Variants in C1orf141 observed in about 807,000 individuals in gnomAD.
C1orf141 encodes uncharacterized protein C1orf141.
In C1orf141, 19 loss-of-function variants were observed where a neutral mutation model predicts 23.2. The observed-to-expected ratio is 0.82, with a 90% CI of 0.57 to 1.20. The LOEUF is 1.20. Ranked by LOEUF, C1orf141 falls within the 50% of genes most tolerant of loss-of-function variation. The probability of loss-of-function intolerance (pLI) is 0.00; values close to 1 mark genes in which losing one functional copy is unlikely to be tolerated. For missense variants in C1orf141, 469 were observed against 455.1 expected, an observed-to-expected ratio of 1.03 and a Z score of -0.28; for synonymous variants, 153 against 154.6, an observed-to-expected ratio of 0.99 and a Z score of 0.08.
chr1:67,139,650 C>T (rs1646616638), upstream of C1orf141, among the ~76,000 whole-genome samples: 2 of 152,190 alleles, frequency 1.3e-5, no homozygotes, highest in South Asian at 4.1e-4. Flanking sequence ...TTTGTCCCCT[C>T]CGAAAGTCAT....
At chr1:67,107,237 AAG>A (rs1475874628) in intron 5 of C1orf141, among the ~76,000 whole-genome samples, 3 of 151,700 alleles carry the variant, frequency 2.0e-5, no homozygotes, top group Non-Finnish European at 4.4e-5. Flanking sequence ...AACAAATAAA[AAG>A]AGAGATAACT....
intron 5 of C1orf141, chr1:67,113,561 C>A (rs899777155): frequency 1.0e-4 from 35 of 338,888 alleles, no homozygotes; most frequent in African/African-American, 5.3e-4. Flanking sequence ...GACAGGGTTT[C>A]GCCATGTTGG....
At chr1:67,108,080 A>G (rs1645974809) in intron 5 of C1orf141, among the ~76,000 whole-genome samples, 1 of 152,214 alleles carries the variant, frequency 6.6e-6, no homozygotes, top group Non-Finnish European at 1.5e-5. Flanking sequence ...GCTTCCTGGA[A>G]AAATTAACCC....
upstream of C1orf141, among the ~76,000 whole-genome samples, chr1:67,137,166 G>A (rs151065627): frequency 5.0e-3 from 760 of 152,270 alleles, 4 homozygotes; most frequent in African/African-American, 0.017. Context: ...TCAGGGGGCC[G>A]TCAAAACCCT....
intron 4 of C1orf141, chr1:67,122,473 G>C (rs993944872): frequency 1.3e-5 from 2 of 152,114 alleles, no homozygotes; most frequent in African/African-American, 2.4e-5. Flanking sequence ...ATCTACCTTT[G>C]CAGAAAAGAA....
intron 7 of C1orf141, 106 bp from the exon 8 acceptor site, chr1:67,093,710 T>A: frequency 1.2e-6 from 1 of 815,134 alleles, no homozygotes; most frequent in Non-Finnish European, 1.8e-6. Flanking sequence ...TAAAAATGAC[T>A]ACATACAAAT....
intron 5 of C1orf141, among the ~76,000 whole-genome samples, chr1:67,102,419 T>G (rs1292536817): frequency 6.6e-6 from 1 of 151,910 alleles, no homozygotes; most frequent in East Asian, 1.9e-4. Flanking sequence ...AATGATGATT[T>G]ATTGGTTTAG....
At chr1:67,132,054 A>T (rs1646525592) in intron 1 of C1orf141, among the ~76,000 whole-genome samples, 1 of 151,120 alleles carries the variant, frequency 6.6e-6, no homozygotes, top group Admixed American at 6.6e-5. Flanking sequence ...AAGTTCTGGG[A>T]TTACAGTGCC....
At chr1:67,130,101 T>G (rs539086106) in intron 2 of C1orf141, among the ~76,000 whole-genome samples, 1 of 152,308 alleles carries the variant, frequency 6.6e-6, no homozygotes, top group South Asian at 2.1e-4. Context: ...GAACATACAT[T>G]ATGATTATGT....
At chr1:67,135,543 A>T (rs1007681778), upstream of C1orf141, among the ~76,000 whole-genome samples, 3 of 152,180 alleles carry the variant, frequency 2.0e-5, no homozygotes, top group Admixed American at 2.0e-4. Context: ...GACATAATGG[A>T]GATACACTGA....
At position 67,093,356 on chromosome 1, in the gene C1orf141, CAT is replaced by C; in HGVS notation, c.850_851del (p.Met284ValfsTer3). 6.2e-7 allele frequency: 1 copy of C among 1,613,790 alleles called. No individual in the cohort carries two copies. The highest frequency in any genetic ancestry group is 8.5e-7 in the Non-Finnish European group (1 of 1,179,864). On this transcript the variant is annotated frameshift_variant, in exon 8 of 8. Transcript: ENST00000684719. LOFTEE classifies it low-confidence loss of function (END_TRUNC). ...CAGTTGTGTGGCCCGCTTTAAAAGA[CAT>C]AGGGATCTGTATATCTTTTCTCTGT... ...TVQRKDIQIP[M>X]SFKAGHTTVD...
chr1:67,115,534 T>C (rs1646176660), intron 4 of C1orf141, 70 bp from the exon 5 acceptor site: 1 of 661,648 alleles, frequency 1.5e-6, no homozygotes, highest in East Asian at 3.0e-5. Flanking sequence ...AAAAAATAAA[T>C]TTGGAGGAAT....
In C1orf141 at chr1:67,132,295, G is replaced by A. The variant is rs559013766; in HGVS notation, c.-103-1068C>T. 3.3e-5 allele frequency among the ~76,000 whole-genome samples: 5 copies of A among 152,060 alleles called. No homozygotes were observed. The East Asian group carries it at 5.9e-4, about 18-fold the overall frequency. ...AGCACTTCAGGAAGCTGAGGCAGGT[G>A]GATCACTTCAAGTCAGGAGTCGAGA... On this transcript the variant is annotated intron_variant, in intron 1 of 7. Transcript: ENST00000684719.
chr1:67,134,308 G>T (rs1159953747), intron 1 of C1orf141, among the ~76,000 whole-genome samples: 3 of 108,354 alleles, frequency 2.8e-5, no homozygotes, highest in African/African-American at 1.0e-4. Context: ...CGGCCTGGAA[G>T]GGAAGTTTCT....
At chr1:67,129,878 C>A (rs770536953) in intron 2 of C1orf141, among the ~76,000 whole-genome samples, 4 of 152,218 alleles carry the variant, frequency 2.6e-5, no homozygotes, top group Non-Finnish European at 5.9e-5. Flanking sequence ...TATAAAACCT[C>A]TAACCTATTC....
upstream of C1orf141, among the ~76,000 whole-genome samples, chr1:67,135,722 T>C (rs1362021421): frequency 6.6e-6 from 1 of 152,064 alleles, no homozygotes; most frequent in Non-Finnish European, 1.5e-5. Flanking sequence ...GATGGGGAAT[T>C]TCACAATATT....
intron 5 of C1orf141, among the ~76,000 whole-genome samples, chr1:67,113,447 C>A (rs1646122968): frequency 6.6e-6 from 1 of 150,646 alleles, no homozygotes; most frequent in Admixed American, 6.6e-5. Context: ...CTTACTGCAA[C>A]CTCTGCCTCC....
intron 5 of C1orf141, among the ~76,000 whole-genome samples, chr1:67,108,241 A>G (rs1357908172): frequency 2.0e-5 from 3 of 152,204 alleles, no homozygotes; most frequent in African/African-American, 7.2e-5. Context: ...TCAAGTCATC[A>G]GCAGATTTAG....
At chr1:67,105,501 G>C (rs1645905019) in intron 5 of C1orf141, among the ~76,000 whole-genome samples, 1 of 151,860 alleles carries the variant, frequency 6.6e-6, no homozygotes, top group African/African-American at 2.4e-5. Context: ...TAATGCAACA[G>C]GAAAATATAA....
Sources: allele counts gnomAD v4.1 joint callset (sites outside exome capture counted in the v4.1 genomes callset), GRCh38; gene constraint gnomAD v4.1.1; transcripts MANE v1.5; gene names NCBI Gene and HGNC (gene_info 2026-07-23, HGNC 2026-07-21).